The following PDPR variants were observed in gnomAD, a reference collection of about 807,000 sequenced individuals.
The protein encoded by PDPR is pyruvate dehydrogenase phosphatase regulatory subunit, mitochondrial.
Under a neutral mutation model 102.2 loss-of-function variants are expected in PDPR, and 50 were observed. That is an observed-to-expected ratio of 0.49 (90% CI 0.39 to 0.62). The LOEUF is 0.62. Among genes scored for constraint, PDPR ranks in the 20% least tolerant of loss-of-function variants. The pLI is 0.00. For missense variants in PDPR, 625 were observed against 1,098.2 expected (o/e 0.57, Z 6.09); for synonymous variants, 259 against 406.0 (o/e 0.64, Z 4.35).
intron 11 of PDPR, among the ~76,000 whole-genome samples, chr16:70,140,227 G>A (rs1965566866): frequency 6.6e-6 from 1 of 152,250 alleles, no homozygotes; most frequent in African/African-American, 2.4e-5. Context: ...TGAAGTCCCA[G>A]CTACTTGGGA....
At chr16:70,126,601 G>A (rs1463355970) in intron 3 of PDPR, among the ~76,000 whole-genome samples, 1 of 152,274 alleles carries the variant, frequency 6.6e-6, no homozygotes, top group Non-Finnish European at 1.5e-5. Flanking sequence ...CTGACCTTGT[G>A]ATCCGCCCAC....
chr16:70,150,383 C>T (rs536675913), intron 17 of PDPR, among the ~76,000 whole-genome samples: 37 of 147,792 alleles, frequency 2.5e-4, no homozygotes, highest in African/African-American at 1.0e-4. Context: ...GAATTACAGG[C>T]GTGAGCCACC....
At chr16:70,151,679 G>A (rs1966750772) in intron 17 of PDPR, among the ~76,000 whole-genome samples, 1 of 152,280 alleles carries the variant, frequency 6.6e-6, no homozygotes, top group African/African-American at 2.4e-5. Context: ...TGGAGGCCTT[G>A]GTTTCAGCTT....
chr16:70,149,980 CG>C (rs1966583996), intron 17 of PDPR, among the ~76,000 whole-genome samples: 1 of 151,704 alleles, frequency 6.6e-6, no homozygotes, highest in East Asian at 2.0e-4. Flanking sequence ...TTCATAGAGA[CG>C]GGGTTTCACC....
At chr16:70,148,915 G>A (rs1169849699) in intron 17 of PDPR, among the ~76,000 whole-genome samples, 3 of 147,576 alleles carry the variant, frequency 2.0e-5, no homozygotes, top group Non-Finnish European at 4.5e-5. Context: ...TTTTTTTTGA[G>A]ACAGGGTCTC....
At chr16:70,123,562 G>A (rs1282267425) in intron 3 of PDPR, among the ~76,000 whole-genome samples, 1 of 152,272 alleles carries the variant, frequency 6.6e-6, no homozygotes, top group Non-Finnish European at 1.5e-5. Flanking sequence ...TGATGTCAAA[G>A]TCTTTCTCCT....
At chr16:70,113,752 G>C (rs933415502), upstream of PDPR, 1 of 144,560 alleles carries the variant, frequency 6.9e-6, no homozygotes, top group African/African-American at 2.5e-5. Context: ...GCTGAGAAGA[G>C]TAAGATAGGG....
rs576265679 is a variant in PDPR, at chr16:70,159,950, G to T, written c.*3071G>T. On this transcript the variant is annotated 3_prime_UTR_variant, in exon 19 of 19. Coordinates refer to ENST00000288050, the MANE Select transcript of PDPR (RefSeq NM_017990.5). ...GAGATTTGAAGGATTTTGGACTCTT[G>T]TGAATGGGTGACTGGACTTGGCTTT... 1 of 153,392 alleles carries T rather than the reference G, an allele frequency of 6.5e-6. No individual in the cohort carries two copies. Among genetic ancestry groups the T allele is most frequent in the East Asian group, 1.9e-4 (1 of 5,204 alleles). 9.5% of individuals were successfully genotyped at this position (153,392 alleles called of 1,614,324 possible). A position where few individuals can be genotyped will look rare whatever the true frequency, so the allele number is the denominator to read the frequency against.
chr16:70,137,225 G>A (rs1201392750), intron 10 of PDPR, among the ~76,000 whole-genome samples: 2 of 152,146 alleles, frequency 1.3e-5, no homozygotes, highest in Non-Finnish European at 2.9e-5. Context: ...GCGTTGTGGC[G>A]GGTGCTTGTG....
Position 70,130,525 on chromosome 16 carries a change from T to C in PDPR, c.710T>C (p.Phe237Ser). ...AAAGGACAGATTGAATGCCAGTATT[T>C]TGTCAACTGTGCTGGCCAGGTAGGT... ...TDKGQIECQY[F>S]VNCAGQWAYE... Residue 237 changes from phenylalanine to serine, a missense_variant, in exon 7 of 19, where the codon TTT becomes TCT. Coordinates refer to ENST00000288050, the MANE Select transcript of PDPR (RefSeq NM_017990.5). 1 of 1,614,040 alleles carries C rather than the reference T, an allele frequency of 6.2e-7. No individual in the cohort carries two copies. Among genetic ancestry groups the C allele is most frequent in the Non-Finnish European group, 8.5e-7 (1 of 1,179,876 alleles).
chr16:70,114,638 C>T (rs980832750), intron 1 of PDPR, among the ~76,000 whole-genome samples, 183 bp from the exon 2 acceptor site: 11 of 152,254 alleles, frequency 7.2e-5, no homozygotes, highest in African/African-American at 2.7e-4. Flanking sequence ...AGGTTGTCCG[C>T]TCGTGCCTTG....
rs1597290838 is a variant in PDPR at position 70,120,455 on chromosome 16, G to A, written c.-32-6G>A. On this transcript the variant is annotated splice_region_variant and splice_polypyrimidine_tract_variant and intron_variant, in intron 2 of 18. Transcript: ENST00000288050. ...GGCATGAAATATGTTTGGTTTCTCTGTCTAGTTTGAGTTCCTGAGATCTAG... is the reference window on the plus strand; with the variant it reads ...GGCATGAAATATGTTTGGTTTCTCTATCTAGTTTGAGTTCCTGAGATCTAG... The A allele has an allele frequency of 1.3e-6, 2 of 1,512,676 alleles. No homozygotes were observed. Among genetic ancestry groups the A allele is most frequent in the South Asian group, 2.3e-5 (2 of 87,864 alleles). The allele number at this position is 1,512,676 out of a possible 1,614,324, so 93.7% of individuals were successfully genotyped here.
chr16:70,131,140 G>A (rs1243087558), intron 7 of PDPR, among the ~76,000 whole-genome samples, 162 bp from the exon 8 acceptor site: 1 of 152,098 alleles, frequency 6.6e-6, no homozygotes, highest in Non-Finnish European at 1.5e-5. Flanking sequence ...ATGTAGTATT[G>A]CTCCCCATCC....
intron 9 of PDPR, among the ~76,000 whole-genome samples, chr16:70,134,564 G>C (rs1477717315): frequency 6.6e-6 from 1 of 150,536 alleles, no homozygotes; most frequent in African/African-American, 2.4e-5. Context: ...AGGCCAAGGC[G>C]GGCAGATCGC....
intron 9 of PDPR, among the ~76,000 whole-genome samples, chr16:70,132,679 G>A (rs1964662416): frequency 1.3e-5 from 2 of 151,968 alleles, no homozygotes; most frequent in African/African-American, 4.8e-5. Context: ...GTAGAGACAT[G>A]GTCTCGCCAT....
Position 70,157,087 on chromosome 16 carries a change from A to C in PDPR, c.*208A>C. 1 of 756,646 alleles carries C rather than the reference A, an allele frequency of 1.3e-6. No homozygotes were observed. The highest frequency in any genetic ancestry group is 2.3e-6 in the Non-Finnish European group (1 of 439,020). 46.9% of individuals were successfully genotyped at this position (756,646 alleles called of 1,614,324 possible). On this transcript the variant is annotated 3_prime_UTR_variant, in exon 19 of 19. Transcript: ENST00000288050. ...CTTCCACCTCCTCCTCCTAATATTC[A>C]CTCTGGGCTCTTCTTCCCTTCCCAC...
chr16:70,151,043 T>G (rs1966694067), intron 17 of PDPR, among the ~76,000 whole-genome samples: 1 of 152,052 alleles, frequency 6.6e-6, no homozygotes, highest in Non-Finnish European at 1.5e-5. Context: ...CAAGCGATTC[T>G]CCTGCCTCAG....
chr16:70,150,906 A>C (rs1966682759), intron 17 of PDPR, among the ~76,000 whole-genome samples: 1 of 152,246 alleles, frequency 6.6e-6, no homozygotes, highest in African/African-American at 2.4e-5. Flanking sequence ...CAGCTTCCTG[A>C]GTAGATAGGA....
chr16:70,148,381 C>T, intron 16 of PDPR, 83 bp from the exon 17 acceptor site: 1 of 945,568 alleles, frequency 1.1e-6, no homozygotes, highest in South Asian at 1.4e-5. Flanking sequence ...GAGGGTGCAG[C>T]ACTAATGAAA....
Sources: gnomAD v4.1 joint callset for allele counts (sites outside exome capture counted in the v4.1 genomes callset) on GRCh38, gnomAD v4.1.1 for gene constraint, MANE v1.5 for transcripts, NCBI Gene and HGNC (gene_info 2026-07-23, HGNC 2026-07-21) for gene names.